The following KCNQ1 variants were observed in gnomAD, a reference collection of about 807,000 sequenced individuals.
KCNQ1 encodes the protein potassium voltage-gated channel subfamily KQT member 1.
In KCNQ1, 49 loss-of-function variants were observed where a neutral mutation model predicts 72.4. That is an observed-to-expected ratio of 0.68 (90% CI 0.54 to 0.86). KCNQ1 has a LOEUF of 0.86. Among genes scored for constraint, KCNQ1 ranks in the 40% least tolerant of loss-of-function variants. The probability of loss-of-function intolerance (pLI) is 0.00; values close to 1 mark genes in which losing one functional copy is unlikely to be tolerated. For synonymous variants in KCNQ1, 450 were observed against 412.6 expected (o/e 1.09, Z -1.10); for missense variants, 790 against 945.1 (o/e 0.84, Z 2.15).
At chr11:2,744,237 T>C (rs1436938355) in intron 11 of KCNQ1, among the ~76,000 whole-genome samples, 1 of 152,214 alleles carries the variant, frequency 6.6e-6, no homozygotes, top group Non-Finnish European at 1.5e-5. Context: ...GTGTGTCCAC[T>C]CTAGTGTCTC....
intron 1 of KCNQ1, chr11:2,521,381 G>A (rs1174398795): frequency 1.5e-5 from 6 of 399,510 alleles, no homozygotes; most frequent in Non-Finnish European, 3.2e-5. Flanking sequence ...GTGTTATCCG[G>A]TGTCCTCAAG....
chr11:2,533,064 G>A (rs1399508253), intron 2 of KCNQ1, among the ~76,000 whole-genome samples: 1 of 152,084 alleles, frequency 6.6e-6, no homozygotes, highest in African/African-American at 2.4e-5. Flanking sequence ...GAGGGGCCGG[G>A]CGGGTGCAGG....
At chr11:2,632,098 G>C (rs1298326744) in intron 10 of KCNQ1, 1 of 395,810 alleles carries the variant, frequency 2.5e-6, no homozygotes. Context: ...CAGGAGAATG[G>C]CGTGAACTCG....
In KCNQ1 at chr11:2,664,047, A is replaced by T. The variant is rs981014747; in HGVS notation, c.1514+1966A>T. 2 of 398,594 alleles carry T rather than the reference A, an allele frequency of 5.0e-6. No homozygotes were observed. The highest frequency in any genetic ancestry group is 8.8e-6 in the Non-Finnish European group (2 of 226,118). 24.7% of individuals were successfully genotyped at this position (398,594 alleles called of 1,614,324 possible). ...GATCCTGCAGCCTTTTCAGGTTGGC[A>T]CTCCCATGGCCTCCAGTGATAAGTG... On this transcript the variant is annotated intron_variant, in intron 11 of 15. Transcript: ENST00000155840. This position sits in a 1 kb window ranked among gnomAD's most constrained non-coding sequence, Gnocchi z 5.1.
chr11:2,770,659 A>T (rs973832423), intron 12 of KCNQ1, among the ~76,000 whole-genome samples: 2 of 152,232 alleles, frequency 1.3e-5, no homozygotes, highest in Non-Finnish European at 2.9e-5. Flanking sequence ...GTCAAAATAA[A>T]AGCCATGGCA....
chr11:2,584,164 T>G (rs1391722587), intron 7 of KCNQ1, among the ~76,000 whole-genome samples: 3 of 152,242 alleles, frequency 2.0e-5, no homozygotes, highest in Non-Finnish European at 4.4e-5. Flanking sequence ...GTATTTAGTA[T>G]GTGTGCTGTG....
At position 2,848,688 on chromosome 11, in the gene KCNQ1, C is replaced by G. The variant is rs1201147787; in HGVS notation, c.*685C>G. 3 of 450,034 alleles carry G rather than the reference C, an allele frequency of 6.7e-6. No individual in the cohort carries two copies. Among genetic ancestry groups the G allele is most frequent in the African/African-American group, 6.0e-5 (3 of 49,920 alleles). The allele number at this position is 450,034 out of a possible 1,614,324, so 27.9% of individuals were successfully genotyped here. On this transcript the variant is annotated 3_prime_UTR_variant, in exon 16 of 16. Transcript: ENST00000155840. ...CCCTGGGTTAGACTGCCAGCTCTTC[C>G]TAGCTGGAGAGGAGCCCTGCCTCTC... is the stretch of plus-strand genomic sequence containing the variant.
chr11:2,625,844 C>T (rs765950254), intron 10 of KCNQ1: 1 of 398,640 alleles, frequency 2.5e-6, no homozygotes, highest in Non-Finnish European at 4.4e-6. Context: ...ACTGGGATTA[C>T]AGGCGTGAGC....
chr11:2,664,555 C>T lies in KCNQ1; in HGVS notation c.1514+2474C>T, dbSNP rs1850029123. On this transcript the variant is annotated intron_variant, in intron 11 of 15. Coordinates refer to ENST00000155840, the MANE Select transcript of KCNQ1 (RefSeq NM_000218.3). This position sits in a 1 kb window ranked among gnomAD's most constrained non-coding sequence, Gnocchi z 5.1. The stretch of plus-strand genomic sequence containing the variant: ...CCGCCTGGCGGCAGGGGTGTGGGGG[C>T]CGTGCAGGTCTTCTGCCCGCATTGG... The T allele has an allele frequency of 5.0e-6, 2 of 398,664 alleles. No individual in the cohort carries two copies. The highest frequency in any genetic ancestry group is 8.8e-6 in the Non-Finnish European group (2 of 226,106). The allele number at this position is 398,664 out of a possible 1,614,324, so 24.7% of individuals were successfully genotyped here.
At chr11:2,732,970 C>T (rs1421898915) in intron 11 of KCNQ1, among the ~76,000 whole-genome samples, 1 of 152,134 alleles carries the variant, frequency 6.6e-6, no homozygotes, top group Non-Finnish European at 1.5e-5. Flanking sequence ...GGCTGGTGAC[C>T]ACCCACAGGC....
chr11:2,601,344 C>T lies in KCNQ1; in HGVS notation c.1393+12490C>T, dbSNP rs542041464. 6.6e-6 allele frequency among the ~76,000 whole-genome samples: 1 copy of T among 152,184 alleles called. No individual in the cohort carries two copies. The highest frequency in any genetic ancestry group is 1.9e-4 in the East Asian group (1 of 5,182). ...GTGAAATATTTATTCAGATCTTTTG[C>T]CCGTTTAAAAAAATGAGACTTTCAA... On this transcript the variant is annotated intron_variant, in intron 10 of 15. Coordinates refer to ENST00000155840, the MANE Select transcript of KCNQ1 (RefSeq NM_000218.3). The surrounding 1 kb of genome is among the most constrained non-coding windows in gnomAD (Gnocchi z 5.2).
chr11:2,537,776 T>C lies in KCNQ1; in HGVS notation c.477+9758T>C, dbSNP rs1297055608. On this transcript the variant is annotated intron_variant, in intron 2 of 15. Coordinates refer to ENST00000155840, the MANE Select transcript of KCNQ1 (RefSeq NM_000218.3). The surrounding 1 kb of genome is among the most constrained non-coding windows in gnomAD (Gnocchi z 5.2). Reference sequence around the variant, plus strand: ...CTGTGTTGCCCAGGTTGGAGAGTAGTGGCATACTCACGGCTCACTGCAGCC... The same window carrying C: ...CTGTGTTGCCCAGGTTGGAGAGTAGCGGCATACTCACGGCTCACTGCAGCC... Among the ~76,000 whole-genome samples, 1 of 152,204 alleles carries C rather than the reference T, an allele frequency of 6.6e-6. No individual in the cohort carries two copies. The highest frequency in any genetic ancestry group is 1.5e-5 in the Non-Finnish European group (1 of 68,032).
Position 2,507,059 on chromosome 11 carries a change from A to G in KCNQ1, c.387-20869A>G, listed in dbSNP as rs1054703065. Among the ~76,000 whole-genome samples the G allele has an allele frequency of 1.2e-4, 18 of 152,150 alleles. No individual in the cohort carries two copies. The highest frequency in any genetic ancestry group is 4.3e-4 in the African/African-American group (18 of 41,422). ...GCTATGAGAAATTTCGCATGTTTAT[A>G]TCATCAAATTTATCATGCTTCTTTC... is the stretch of plus-strand genomic sequence containing the variant. On this transcript the variant is annotated intron_variant, in intron 1 of 15. Transcript: ENST00000155840. The surrounding 1 kb of genome is among the most constrained non-coding windows in gnomAD (Gnocchi z 5.4).
chr11:2,454,574 G>A (rs1178689385), intron 1 of KCNQ1, among the ~76,000 whole-genome samples: 2 of 152,094 alleles, frequency 1.3e-5, no homozygotes, highest in East Asian at 3.8e-4. Context: ...GTGCTGCATG[G>A]GAATTGCAGG....
chr11:2,770,693 G>A (rs894184350), intron 12 of KCNQ1, among the ~76,000 whole-genome samples: 8 of 152,256 alleles, frequency 5.3e-5, no homozygotes, highest in Admixed American at 1.3e-4. Context: ...GCCAGTGCCC[G>A]GAGATCTGCC....
At position 2,656,598 on chromosome 11, in the gene KCNQ1, T is replaced by C. The variant is rs140300648; in HGVS notation, c.1394-5363T>C. On this transcript the variant is annotated intron_variant, in intron 10 of 15. Transcript: ENST00000155840. ...ATTCCTCTTTTGTGATGTGCTACTT[T>C]GTCTATTGCCCATTTTCTATTAAGT... 1,356 of 398,684 alleles carry C rather than the reference T, an allele frequency of 3.4e-3. 11 individuals are homozygous for C. The highest frequency in any genetic ancestry group is 0.024 in the African/African-American group (1,161 of 48,758). The allele number at this position is 398,684 out of a possible 1,614,324, so 24.7% of individuals were successfully genotyped here.
Position 2,748,870 on chromosome 11 carries a change from G to A in KCNQ1, c.1515-19974G>A, listed in dbSNP as rs1846179793. Among the ~76,000 whole-genome samples the A allele has an allele frequency of 1.3e-5, 2 of 152,230 alleles. No individual in the cohort carries two copies. The highest frequency in any genetic ancestry group is 1.3e-4 in the Admixed American group (2 of 15,290). On this transcript the variant is annotated intron_variant, in intron 11 of 15. Transcript: ENST00000155840. This position sits in a 1 kb window ranked among gnomAD's most constrained non-coding sequence, Gnocchi z 6.2. ...TCTGGTCTGGCAGCTGGGTGTGCAGGGGCAGCCCCAGACCTCCAGAGTGCC... is the reference window on the plus strand; with the variant it reads ...TCTGGTCTGGCAGCTGGGTGTGCAGAGGCAGCCCCAGACCTCCAGAGTGCC...
rs1221016411 is a variant in KCNQ1 at position 2,592,237 on chromosome 11, C to T, written c.1393+3383C>T. Among the ~76,000 whole-genome samples the T allele has an allele frequency of 1.3e-5, 2 of 152,198 alleles. No homozygotes were observed. Among genetic ancestry groups the T allele is most frequent in the African/African-American group, 2.4e-5 (1 of 41,456 alleles). ...ATTTATAGATGGAGAAACGGAAGGCCAGGGCCATGTGGGGAACTCCTGAGG... is the reference window on the plus strand; with the variant it reads ...ATTTATAGATGGAGAAACGGAAGGCTAGGGCCATGTGGGGAACTCCTGAGG... On this transcript the variant is annotated intron_variant, in intron 10 of 15. Transcript: ENST00000155840. The surrounding 1 kb of genome is among the most constrained non-coding windows in gnomAD (Gnocchi z 5.2).
intron 15 of KCNQ1, among the ~76,000 whole-genome samples, chr11:2,807,621 C>T (rs888489203): frequency 2.2e-4 from 33 of 152,334 alleles, no homozygotes; most frequent in South Asian, 4.1e-4. Context: ...CCGCAACCCG[C>T]GCCAGGACAG....
Sources: gnomAD v4.1 joint callset for allele counts (sites outside exome capture counted in the v4.1 genomes callset) on GRCh38, gnomAD v4.1.1 for gene constraint, Gnocchi (gnomAD v3.1) non-coding constraint, MANE v1.5 for transcripts, NCBI Gene and HGNC (gene_info 2026-07-23, HGNC 2026-07-21) for gene names.